The following PTPRM variants were observed in gnomAD, a reference collection of about 807,000 sequenced individuals.
PTPRM encodes the protein receptor-type tyrosine-protein phosphatase mu.
Under a neutral mutation model 186.7 loss-of-function variants are expected in PTPRM, and 47 were observed. That is an observed-to-expected ratio of 0.25 (90% confidence interval 0.20 to 0.32). The LOEUF (loss-of-function observed/expected upper bound fraction) is 0.32, where lower values mean the gene tolerates loss of function less well. Among genes scored for constraint, PTPRM ranks in the 10% least tolerant of loss-of-function variants. PTPRM has a pLI of 1.00. For synonymous variants in PTPRM, 668 were observed against 674.9 expected (o/e 0.99, Z 0.16); for missense variants, 1,494 against 1,865.0 (o/e 0.80, Z 3.66).
In PTPRM at chr18:8,248,226, G is replaced by A. The variant is rs148184488; in HGVS notation, c.2554+50G>A. Reference sequence around the variant, plus strand: ...GTTTATTGCAGGAGTAATTTAGAAAGTCAGTGACCACTCTGTAGGAGATTG... The same window carrying A: ...GTTTATTGCAGGAGTAATTTAGAAAATCAGTGACCACTCTGTAGGAGATTG... On this transcript the variant is annotated intron_variant, in intron 17 of 32. Transcript: ENST00000580170. 5.3e-4 allele frequency: 766 copies of A among 1,453,734 alleles called. 5 individuals carry two copies. The African/African-American group carries it at 9.5e-3, about 18-fold the overall frequency. The allele number at this position is 1,453,734 out of a possible 1,614,324, so 90.1% of individuals were successfully genotyped here. A position where few individuals can be genotyped will look rare whatever the true frequency, so the allele number is the denominator to read the frequency against.
chr18:8,361,776 C>G (rs2095598533), intron 23 of PTPRM, among the ~76,000 whole-genome samples: 2 of 152,194 alleles, frequency 1.3e-5, no homozygotes, highest in African/African-American at 4.8e-5. Flanking sequence ...TGGAACACAG[C>G]TAGGATTAGC....
intron 1 of PTPRM, among the ~76,000 whole-genome samples, chr18:7,590,439 T>C (rs2037095695): frequency 6.6e-6 from 1 of 152,108 alleles, no homozygotes; most frequent in South Asian, 2.1e-4. Flanking sequence ...GTCACTTGGA[T>C]ACCTAAAGAA....
chr18:7,806,248 C>A (rs2044229691), intron 2 of PTPRM, among the ~76,000 whole-genome samples: 1 of 152,132 alleles, frequency 6.6e-6, no homozygotes, highest in South Asian at 2.1e-4. Flanking sequence ...TTCAGACACC[C>A]CATATGACCT....
At position 8,378,432 on chromosome 18, in the gene PTPRM, G is replaced by A. The variant is rs1259861208; in HGVS notation, c.3612+18G>A. On this transcript the variant is annotated intron_variant, in intron 27 of 32. Transcript: ENST00000580170. ...AATTCCGGGTAAGTGATGCCTAAGGGAGGGGCACTGCACGGTGACTTGCTC... is the reference window on the plus strand; with the variant it reads ...AATTCCGGGTAAGTGATGCCTAAGGAAGGGGCACTGCACGGTGACTTGCTC... 8.7e-6 allele frequency: 14 copies of A among 1,613,132 alleles called. No individual in the cohort carries two copies. The highest frequency in any genetic ancestry group is 1.2e-5 in the Non-Finnish European group (14 of 1,179,408).
chr18:7,604,333 G>A (rs1330443024), intron 1 of PTPRM, among the ~76,000 whole-genome samples: 1 of 152,230 alleles, frequency 6.6e-6, no homozygotes, highest in African/African-American at 2.4e-5. Flanking sequence ...CTGGAGGTTC[G>A]TGACCAGTTT....
intron 14 of PTPRM, among the ~76,000 whole-genome samples, chr18:8,195,042 C>T (rs1217208265): frequency 6.6e-6 from 1 of 151,778 alleles, no homozygotes; most frequent in East Asian, 1.9e-4. Flanking sequence ...CTGAGGACAA[C>T]ATTCTGCACA....
At chr18:8,403,046 A>G (rs1186012503) in intron 32 of PTPRM, 1 of 152,192 alleles carries the variant, frequency 6.6e-6, no homozygotes, top group Non-Finnish European at 1.5e-5. Flanking sequence ...AAACTTAAAT[A>G]TGATCCAACC....
intron 1 of PTPRM, among the ~76,000 whole-genome samples, chr18:7,683,606 T>C (rs1244292546): frequency 6.6e-6 from 1 of 152,198 alleles, no homozygotes; most frequent in Non-Finnish European, 1.5e-5. Flanking sequence ...CTCTTTTCTG[T>C]GGGAAGAGAC....
At chr18:8,324,285 G>T (rs967072241) in intron 22 of PTPRM, among the ~76,000 whole-genome samples, 1 of 152,070 alleles carries the variant, frequency 6.6e-6, no homozygotes, top group African/African-American at 2.4e-5. Context: ...TGTTATAATC[G>T]TTAGTATTTT....
chr18:8,254,167 A>G (rs1374453069), intron 19 of PTPRM, among the ~76,000 whole-genome samples: 1 of 152,246 alleles, frequency 6.6e-6, no homozygotes, highest in East Asian at 1.9e-4. Context: ...GTTACTGTCC[A>G]GCCAGCCCAG....
intron 23 of PTPRM, among the ~76,000 whole-genome samples, chr18:8,362,871 C>T (rs1417226123): frequency 1.5e-4 from 23 of 152,198 alleles, no homozygotes; most frequent in Admixed American, 1.5e-3. Context: ...GAGCCAAAGT[C>T]ACACAGCTAA....
chr18:8,048,417 A>G (rs1034232863), intron 7 of PTPRM, among the ~76,000 whole-genome samples: 18 of 151,622 alleles, frequency 1.2e-4, no homozygotes, highest in African/African-American at 2.9e-4. Context: ...CTGCCCTGCC[A>G]TTCCAGTTGT....
intron 31 of PTPRM, among the ~76,000 whole-genome samples, chr18:8,391,466 CAG>C (rs1379551030): frequency 6.6e-6 from 1 of 152,206 alleles, no homozygotes; most frequent in African/African-American, 2.4e-5. Context: ...ACAGACAACA[CAG>C]AGTGAAATAA....
At chr18:8,099,151 CTCTCTCTT>C (rs925679309) in intron 11 of PTPRM, among the ~76,000 whole-genome samples, 5 of 151,674 alleles carry the variant, frequency 3.3e-5, no homozygotes, top group African/African-American at 1.2e-4. Flanking sequence ...CTCTCTCTCT[CTCTCTCTT>C]TCTCTCTCTC....
intron 9 of PTPRM, among the ~76,000 whole-genome samples, chr18:8,078,714 G>A (rs542152190): frequency 5.6e-4 from 86 of 152,294 alleles, no homozygotes; most frequent in African/African-American, 2.0e-3. Context: ...TCTGCAGACC[G>A]TACAAGCATG....
At chr18:7,717,795 C>G (rs753219780) in intron 1 of PTPRM, among the ~76,000 whole-genome samples, 17 of 152,186 alleles carry the variant, frequency 1.1e-4, no homozygotes, top group Admixed American at 1.1e-3. Context: ...TTCCAGCACC[C>G]ACTCACCTGT....
chr18:8,206,268 A>ATTTTTTTTTTTTTTTTTTTTTTTTT (rs1238112461), intron 14 of PTPRM, among the ~76,000 whole-genome samples: 1 of 149,094 alleles, frequency 6.7e-6, no homozygotes, highest in African/African-American at 2.6e-5. Context: ...ATTTTATTTT[A>ATTTTTTTTTTTTTTTTTTTTTTTTT]TTTTGAGACG....
At chr18:7,932,584 T>A (rs988664433) in intron 5 of PTPRM, among the ~76,000 whole-genome samples, 1 of 152,182 alleles carries the variant, frequency 6.6e-6, no homozygotes, top group Non-Finnish European at 1.5e-5. Flanking sequence ...AATGCATGAA[T>A]TTTTTCTCTT....
intron 1 of PTPRM, among the ~76,000 whole-genome samples, 161 bp from the exon 2 acceptor site, chr18:7,773,988 G>A (rs777488660): frequency 3.9e-5 from 6 of 152,158 alleles, no homozygotes; most frequent in Non-Finnish European, 8.8e-5. Flanking sequence ...CTCAGCAAGG[G>A]ATCACTAAGT....
Sources: allele counts gnomAD v4.1 joint callset (sites outside exome capture counted in the v4.1 genomes callset), GRCh38; gene constraint gnomAD v4.1.1; transcripts MANE v1.5; gene names NCBI Gene and HGNC (gene_info 2026-07-23, HGNC 2026-07-21).